DDX39B: variants seen among roughly 807,000 people sequenced by gnomAD.
DDX39B encodes the protein spliceosome RNA helicase DDX39B.
A neutral mutation model predicts 46.4 loss-of-function variants in DDX39B; 6 were observed. That is an observed-to-expected ratio of 0.13 (90% confidence interval 0.07 to 0.26). DDX39B has a LOEUF of 0.26. Among genes scored for constraint, DDX39B ranks in the 10% least tolerant of loss-of-function variants. The pLI is 1.00. For missense variants in DDX39B, 185 were observed against 553.4 expected (o/e 0.33, Z 6.68); for synonymous variants, 174 against 199.4 (o/e 0.87, Z 1.07).
At chr6:31,532,686 T>C in intron 7 of DDX39B, 94 bp downstream of exon 7, 2 of 1,475,460 alleles carry the variant, frequency 1.4e-6, no homozygotes, top group African/African-American at 1.4e-5. Flanking sequence ...ACATCACACA[T>C]GTGATTTCCT....
At chr6:31,541,537 C>T in intron 1 of DDX39B, 1 of 419,570 alleles carries the variant, frequency 2.4e-6, no homozygotes. Context: ...TCCAACTGGG[C>T]CCAGAAACCA....
At chr6:31,533,178 G>A (rs1767383357) in intron 6 of DDX39B, 1 of 383,562 alleles carries the variant, frequency 2.6e-6, no homozygotes, top group Non-Finnish European at 4.9e-6. Flanking sequence ...AAGTCAAGGA[G>A]CAGTGAAACC....
intron 1 of DDX39B, chr6:31,541,626 G>A (rs1273946511): frequency 1.0e-5 from 5 of 478,918 alleles, no homozygotes; most frequent in African/African-American, 4.0e-5. Flanking sequence ...CCCGCCCTCC[G>A]CAAATACCAA....
At position 31,534,575 on chromosome 6, in the gene DDX39B, C is replaced by T. The variant is rs1193586190; in HGVS notation, c.735+792G>A. ...CTACCACCCCATTCAGGACACCCCT[C>T]CCCAACACATATTGGGGGAAACGGG... On this transcript the variant is annotated intron_variant, in intron 6 of 10. Transcript: ENST00000396172. This position sits in a 1 kb window ranked among gnomAD's most constrained non-coding sequence, Gnocchi z 5.1. 1.5e-5 allele frequency: 7 copies of T among 457,626 alleles called. No individual in the cohort carries two copies. Among genetic ancestry groups the T allele is most frequent in the African/African-American group, 1.4e-4 (7 of 48,890 alleles). The allele number at this position is 457,626 out of a possible 1,614,324, so 28.3% of individuals were successfully genotyped here.
rs1767149569 is a variant in DDX39B at position 31,531,453 on chromosome 6, C to T, written c.868-48G>A. ...GTCGCAAATTGGGGGAATAGGGGTCCATGGTGTGTGAGAGACATTACGTGG... is the reference window on the plus strand; with the variant it reads ...GTCGCAAATTGGGGGAATAGGGGTCTATGGTGTGTGAGAGACATTACGTGG... On this transcript the variant is annotated intron_variant, in intron 7 of 10. Coordinates refer to ENST00000396172, the MANE Select transcript of DDX39B (RefSeq NM_004640.7). The surrounding 1 kb of genome is among the most constrained non-coding windows in gnomAD (Gnocchi z 5.8). The T allele has an allele frequency of 1.9e-6, 3 of 1,554,022 alleles. No homozygotes were observed. The South Asian group carries it at 3.3e-5, about 17-fold the overall frequency.
rs745606191 is a variant in DDX39B, at chr6:31,530,457, A to G, written c.1271-7T>C. On this transcript the variant is annotated splice_polypyrimidine_tract_variant and splice_region_variant and intron_variant, in intron 10 of 10. Coordinates refer to ENST00000396172, the MANE Select transcript of DDX39B (RefSeq NM_004640.7). This position sits in a 1 kb window ranked among gnomAD's most constrained non-coding sequence, Gnocchi z 4.5. Reference sequence around the variant, plus strand: ...TTCTACCGTGTCTGTTCAACTGAGAAGAAAACGTAGCATGGTCAGAATAAG... The same window carrying G: ...TTCTACCGTGTCTGTTCAACTGAGAGGAAAACGTAGCATGGTCAGAATAAG... The G allele has an allele frequency of 1.2e-6, 2 of 1,610,446 alleles. No individual in the cohort carries two copies. Among genetic ancestry groups the G allele is most frequent in the South Asian group, 2.2e-5 (2 of 91,042 alleles).
rs1188222078 is a variant in DDX39B at position 31,540,355 on chromosome 6, T to C, written c.178A>G (p.Ile60Val). 2 of 1,614,168 alleles carry C rather than the reference T, an allele frequency of 1.2e-6. No homozygotes were observed. Among genetic ancestry groups the C allele is most frequent in the Non-Finnish European group, 1.7e-6 (2 of 1,180,030 alleles). Residue 60 changes from isoleucine (I) to valine (V), a missense_variant, in exon 2 of 11, where the codon ATT becomes GTT. Transcript: ENST00000396172. ...FLLKPELLRA[I>V]VDCGFEHPSE... ...GGATGCTCAAAGCCACAGTCGACAA[T>C]GGCCCGGAGCAACTCTGGCTTGAGC...
chr6:31,541,986 G>C lies in DDX39B; in HGVS notation c.-169C>G, dbSNP rs1007703202. ...GAGCGCGTATGGCGGCAGCAACAGC[G>C]ACGAAGGAGGGAAATCTGCCTTCAC... On this transcript the variant is annotated 5_prime_UTR_variant, in exon 1 of 11. Coordinates refer to ENST00000396172, the MANE Select transcript of DDX39B (RefSeq NM_004640.7). 1.5e-6 allele frequency: 1 copy of C among 677,290 alleles called. No individual in the cohort carries two copies. Among genetic ancestry groups the C allele is most frequent in the Non-Finnish European group, 2.7e-6 (1 of 365,854 alleles). 42.0% of individuals were successfully genotyped at this position (677,290 alleles called of 1,614,324 possible). A position where few individuals can be genotyped will look rare whatever the true frequency, so the allele number is the denominator to read the frequency against.
rs1767663099 is a variant in DDX39B, at chr6:31,535,288, G to A, written c.735+79C>T. 1.5e-6 allele frequency: 2 copies of A among 1,368,360 alleles called. No individual in the cohort carries two copies. Among genetic ancestry groups the A allele is most frequent in the Non-Finnish European group, 2.1e-6 (2 of 957,524 alleles). 84.8% of individuals were successfully genotyped at this position (1,368,360 alleles called of 1,614,324 possible). On this transcript the variant is annotated intron_variant, in intron 6 of 10. Transcript: ENST00000396172. This position sits in a 1 kb window ranked among gnomAD's most constrained non-coding sequence, Gnocchi z 4.6. The stretch of plus-strand genomic sequence containing the variant: ...GCCTTCTTGGCACTTGAATGACAAG[G>A]GAGTCTGAGGAAGAGGGCGAGGAAG...
rs572005760 is a variant in DDX39B at position 31,541,116 on chromosome 6, G to A, written c.-132-452C>T. 2.4e-4 allele frequency: 129 copies of A among 533,680 alleles called. 1 individual carries two copies. Among genetic ancestry groups the A allele is most frequent in the South Asian group, 1.8e-3 (126 of 71,596 alleles). The allele number at this position is 533,680 out of a possible 1,614,324, so 33.1% of individuals were successfully genotyped here. On this transcript the variant is annotated intron_variant, in intron 1 of 10. Coordinates refer to ENST00000396172, the MANE Select transcript of DDX39B (RefSeq NM_004640.7). ...CTAACTCAGCAGCCATCAGTCAAGGGTGATAGATGAGGGTCATCACTGCGC... is the reference window on the plus strand; with the variant it reads ...CTAACTCAGCAGCCATCAGTCAAGGATGATAGATGAGGGTCATCACTGCGC...
rs931569510 is a variant in DDX39B, at chr6:31,540,678, A to G, written c.-132-14T>C. 2 of 690,224 alleles carry G rather than the reference A, an allele frequency of 2.9e-6. No homozygotes were observed. Among genetic ancestry groups the G allele is most frequent in the Non-Finnish European group, 2.4e-6 (1 of 418,738 alleles). The allele number at this position is 690,224 out of a possible 1,614,324, so 42.8% of individuals were successfully genotyped here. A position where few individuals can be genotyped will look rare whatever the true frequency, so the allele number is the denominator to read the frequency against. On this transcript the variant is annotated splice_polypyrimidine_tract_variant and intron_variant, in intron 1 of 10. Transcript: ENST00000396172. ...CTAACAGAAGAGCTGGAGGGGGGAA[A>G]AAAAAAAGCAAGACTTAATCACGAG... is the stretch of plus-strand genomic sequence containing the variant.
chr6:31,536,574 C>T lies in DDX39B; in HGVS notation c.542G>A (p.Arg181Gln). Residue 181 changes from arginine to glutamine, a missense_variant, in exon 5 of 11, where the codon CGA (arginine) becomes CAA (glutamine). This residue lies in a region of DDX39B where 110 missense variants were observed against 282.2 expected (regional missense o/e 0.39). Coordinates refer to ENST00000396172, the MANE Select transcript of DDX39B (RefSeq NM_004640.7). ...GTGTTTGAGGTTGAGGCTCTTATTT[C>T]GAGCCAGGGCTAGGATACGGCCTGG... Reference protein sequence around the residue: ...GTPGRILALARNKSLNLKHIK... With the variant: ...GTPGRILALAQNKSLNLKHIK... The T allele has an allele frequency of 2.5e-6, 4 of 1,613,220 alleles. No individual in the cohort carries two copies. The highest frequency in any genetic ancestry group is 3.4e-6 in the Non-Finnish European group (4 of 1,180,036).
intron 6 of DDX39B, 88 bp from the exon 7 acceptor site, chr6:31,532,999 C>T (rs1767355582): frequency 5.3e-6 from 3 of 562,178 alleles, no homozygotes; most frequent in South Asian, 1.6e-5. Flanking sequence ...ATCTCCAATA[C>T]ACCCCATGGG....
Position 31,534,686 on chromosome 6 carries a change from G to A in DDX39B, c.735+681C>T, listed in dbSNP as rs1486812331. On this transcript the variant is annotated intron_variant, in intron 6 of 10. Transcript: ENST00000396172. The surrounding 1 kb of genome is among the most constrained non-coding windows in gnomAD (Gnocchi z 5.1). ...CTCAGCTTCCTGGTCAGGTTTCCCC[G>A]CGGCCTCCGCTGCCGCCATCCACCG... is the stretch of plus-strand genomic sequence containing the variant. 1.7e-5 allele frequency: 6 copies of A among 355,692 alleles called. No homozygotes were observed. The highest frequency in any genetic ancestry group is 7.5e-5 in the Admixed American group (2 of 26,748). 22.0% of individuals were successfully genotyped at this position (355,692 alleles called of 1,614,324 possible). A position where few individuals can be genotyped will look rare whatever the true frequency, so the allele number is the denominator to read the frequency against.
chr6:31,541,975 G>A lies in DDX39B; in HGVS notation c.-158C>T, dbSNP rs938819479. ...CTAAACAGGGAGAGCGCGTATGGCG[G>A]CAGCAACAGCGACGAAGGAGGGAAA... On this transcript the variant is annotated 5_prime_UTR_variant, in exon 1 of 11. Coordinates refer to ENST00000396172, the MANE Select transcript of DDX39B (RefSeq NM_004640.7). 4 of 674,780 alleles carry A rather than the reference G, an allele frequency of 5.9e-6. No individual in the cohort carries two copies. The highest frequency in any genetic ancestry group is 3.0e-5 in the South Asian group (2 of 66,540). The allele number at this position is 674,780 out of a possible 1,614,324, so 41.8% of individuals were successfully genotyped here.
At position 31,535,586 on chromosome 6, in the gene DDX39B, TAAC is replaced by T. The variant is rs1767700975; in HGVS notation, c.617-104_617-102del. 2 of 864,250 alleles carry T rather than the reference TAAC, an allele frequency of 2.3e-6. No homozygotes were observed. The highest frequency in any genetic ancestry group is 2.4e-5 in the East Asian group (1 of 40,836). 53.5% of individuals were successfully genotyped at this position (864,250 alleles called of 1,614,324 possible). A position where few individuals can be genotyped will look rare whatever the true frequency, so the allele number is the denominator to read the frequency against. The stretch of plus-strand genomic sequence containing the variant: ...GTGAGGTGAAGATTGCTGGAAATAG[TAAC>T]AACACAATGGAAAGAGCAATGGACT... On this transcript the variant is annotated intron_variant, in intron 5 of 10. Transcript: ENST00000396172. The surrounding 1 kb of genome is among the most constrained non-coding windows in gnomAD (Gnocchi z 4.6).
chr6:31,532,761 T>G lies in DDX39B; in HGVS notation c.867+19A>C. 6.2e-7 allele frequency: 1 copy of G among 1,609,680 alleles called. No homozygotes were observed. The highest frequency in any genetic ancestry group is 8.5e-7 in the Non-Finnish European group (1 of 1,179,026). On this transcript the variant is annotated intron_variant, in intron 7 of 10. Coordinates refer to ENST00000396172, the MANE Select transcript of DDX39B (RefSeq NM_004640.7). ...TGGAGTGCTCCAATGCTCATCCCCC[T>G]ACTGGACGTCTAACTGACCTGGTTG...
Position 31,535,393 on chromosome 6 carries a change from G to A in DDX39B, c.709C>T (p.Pro237Ser). ...TCTTGCATGAACTTGCGGCAGACTG[G>A]ACGGATCTCTTTGCTCAAGGTAGCA... ...FSATLSKEIR[P>S]VCRKFMQDPM... Residue 237 changes from proline to serine, a missense_variant, in exon 6 of 11, where the codon CCA becomes TCA. Pro to Ser is a moderately conservative substitution (Grantham distance 74). Coordinates refer to ENST00000396172, the MANE Select transcript of DDX39B (RefSeq NM_004640.7). The surrounding 1 kb of genome is among the most constrained non-coding windows in gnomAD (Gnocchi z 4.6). 6.2e-7 allele frequency: 1 copy of A among 1,613,482 alleles called. No homozygotes were observed. Among genetic ancestry groups the A allele is most frequent in the South Asian group, 1.1e-5 (1 of 91,080 alleles).
In DDX39B at chr6:31,535,520, TA is replaced by T; in HGVS notation, c.617-36del. ...CAAGGAAAAAAATTGTAGGAGAAAA[TA>T]AGCAGGTATGATAAACAAAGATTAG... On this transcript the variant is annotated intron_variant, in intron 5 of 10. Coordinates refer to ENST00000396172, the MANE Select transcript of DDX39B (RefSeq NM_004640.7). This position sits in a 1 kb window ranked among gnomAD's most constrained non-coding sequence, Gnocchi z 4.6. The T allele has an allele frequency of 6.4e-7, 1 of 1,552,624 alleles. No homozygotes were observed. The highest frequency in any genetic ancestry group is 1.1e-5 in the South Asian group (1 of 89,510).
Sources: allele counts gnomAD v4.1 joint callset, GRCh38; gene constraint gnomAD v4.1.1; regional missense constraint gnomAD v4.1.1; non-coding constraint Gnocchi (gnomAD v3.1); transcripts MANE v1.5; gene names NCBI Gene and HGNC (gene_info 2026-07-23, HGNC 2026-07-21).